The following ANPEP variants were observed in gnomAD, a reference collection of about 807,000 sequenced individuals.
The protein encoded by ANPEP is aminopeptidase N.
ANPEP carries 70 observed loss-of-function variants against 114.6 expected under a neutral mutation model. The ratio of observed to expected loss-of-function variants is 0.61; its 90% CI spans 0.50 to 0.75. The LOEUF (loss-of-function observed/expected upper bound fraction) is 0.75. Ranked by LOEUF, ANPEP falls within the 30% of genes least tolerant of loss-of-function variation. ANPEP has a pLI of 0.00. For missense variants in ANPEP, 1,184 were observed against 1,259.5 expected, an observed-to-expected ratio of 0.94 and a Z score of 0.91; for synonymous variants, 548 against 522.3, an observed-to-expected ratio of 1.05 and a Z score of -0.67.
Position 89,803,109 on chromosome 15 carries a change from C to G in ANPEP, c.1569+130G>C, listed in dbSNP as rs1194748191. Reference sequence around the variant, plus strand: ...CCACTATAGGGAGGAGCAACAGAGGCTCCATCCACCCTGCAGGGCTGGTCA... The same window carrying G: ...CCACTATAGGGAGGAGCAACAGAGGGTCCATCCACCCTGCAGGGCTGGTCA... On this transcript the variant is annotated intron_variant, in intron 10 of 20. Coordinates refer to ENST00000300060, the MANE Select transcript of ANPEP (RefSeq NM_001150.3). This position sits in a 1 kb window ranked among gnomAD's most constrained non-coding sequence, Gnocchi z 4.2. 2 of 1,025,102 alleles carry G rather than the reference C, an allele frequency of 2.0e-6. No individual in the cohort carries two copies. Among genetic ancestry groups the G allele is most frequent in the African/African-American group, 3.1e-5 (2 of 63,636 alleles). The allele number at this position is 1,025,102 out of a possible 1,614,324, so 63.5% of individuals were successfully genotyped here.
At position 89,804,013 on chromosome 15, in the gene ANPEP, A is replaced by C; in HGVS notation, c.1180-11T>G. 6.2e-7 allele frequency: 1 copy of C among 1,612,418 alleles called. No homozygotes were observed. Among genetic ancestry groups the C allele is most frequent in the South Asian group, 1.1e-5 (1 of 91,032 alleles). ...CAGGTTCCCGAACCACTGTGGGGGG[A>C]GGGGTCAGCTGGGCAAGCCACGCCC... On this transcript the variant is annotated splice_polypyrimidine_tract_variant and intron_variant, in intron 6 of 20. Coordinates refer to ENST00000300060, the MANE Select transcript of ANPEP (RefSeq NM_001150.3).
chr15:89,812,748 C>A lies in ANPEP; in HGVS notation c.-224+2024G>T, dbSNP rs557163262. Among the ~76,000 whole-genome samples the A allele has an allele frequency of 9.2e-5, 14 of 152,128 alleles. No individual in the cohort carries two copies. The South Asian group carries it at 2.7e-3, about 29-fold the overall frequency. On this transcript the variant is annotated intron_variant, in intron 1 of 20. Coordinates refer to ENST00000300060, the MANE Select transcript of ANPEP (RefSeq NM_001150.3). Reference sequence around the variant, plus strand: ...CATTTGGCAAATGAGGACACTGAGGCACAGAAAGGTTAAGTGATTTGCCCA... The same window carrying A: ...CATTTGGCAAATGAGGACACTGAGGAACAGAAAGGTTAAGTGATTTGCCCA...
Position 89,803,230 on chromosome 15 carries a change from G to C in ANPEP, c.1569+9C>G. 1.2e-6 allele frequency: 2 copies of C among 1,613,714 alleles called. No individual in the cohort carries two copies. The highest frequency in any genetic ancestry group is 1.7e-6 in the Non-Finnish European group (2 of 1,179,582). The stretch of plus-strand genomic sequence containing the variant: ...CAGGATGGCTGTGGAGGGGCTGGCT[G>C]CTACTGACCTCCTGCAGGTGGTCCC... On this transcript the variant is annotated intron_variant, in intron 10 of 20. Transcript: ENST00000300060. The surrounding 1 kb of genome is among the most constrained non-coding windows in gnomAD (Gnocchi z 4.2).
chr15:89,804,746 C>A, intron 4 of ANPEP, 129 bp from the exon 5 acceptor site: 2 of 1,335,336 alleles, frequency 1.5e-6, no homozygotes, highest in Non-Finnish European at 2.0e-6. Context: ...TCAAGCTAAA[C>A]CTAGAGGCCT....
At chr15:89,802,818 T>C in intron 10 of ANPEP, 1 of 195,492 alleles carries the variant, frequency 5.1e-6, no homozygotes, top group Non-Finnish European at 1.1e-5. Context: ...GAGGGCAGAG[T>C]TCCTGCTGAG....
In ANPEP at chr15:89,804,514, G is replaced by A. The variant is rs917558799; in HGVS notation, c.1001C>T (p.Thr334Ile). The change falls in exon 5 of 21, where the codon ACA becomes ATA. Residue 334 changes from threonine to isoleucine, a missense_variant. Coordinates refer to ENST00000300060, the MANE Select transcript of ANPEP (RefSeq NM_001150.3). ...ACCTGATTTTGGGAGTGGGTAGGGT[G>A]TGTCATAATGACCAGCAAAGAAGTT... is the stretch of plus-strand genomic sequence containing the variant. ...ILNFFAGHYDTPYPLPKSDQI... is the reference protein window; with the variant it reads ...ILNFFAGHYDIPYPLPKSDQI... The A allele has an allele frequency of 1.9e-6, 3 of 1,614,260 alleles. No individual in the cohort carries two copies. The highest frequency in any genetic ancestry group is 1.7e-6 in the Non-Finnish European group (2 of 1,180,050).
At chr15:89,794,781 C>T (rs1396128058) in intron 15 of ANPEP, among the ~76,000 whole-genome samples, 1 of 152,142 alleles carries the variant, frequency 6.6e-6, no homozygotes, top group African/African-American at 2.4e-5. Context: ...ACCCCAGTTC[C>T]CTTCCCTCCT....
In ANPEP at chr15:89,799,206, A is replaced by G. The variant is rs1018227550; in HGVS notation, c.2009+54T>C. The G allele has an allele frequency of 6.2e-7, 1 of 1,605,636 alleles. No homozygotes were observed. The highest frequency in any genetic ancestry group is 1.7e-5 in the Admixed American group (1 of 59,952). The stretch of plus-strand genomic sequence containing the variant: ...GAGCAGGGGCCCTCATTGTGGACTC[A>G]GACTTGCTGAAGTCACGAGCTTCTG... On this transcript the variant is annotated intron_variant, in intron 14 of 20. Transcript: ENST00000300060. The surrounding 1 kb of genome is among the most constrained non-coding windows in gnomAD (Gnocchi z 4.2).
intron 4 of ANPEP, 87 bp downstream of exon 4, chr15:89,804,991 A>AGAAACTGGCACAGG: frequency 6.3e-6 from 10 of 1,576,084 alleles, no homozygotes; most frequent in Non-Finnish European, 8.7e-6. Flanking sequence ...CTAACAATTC[A>AGAAACTGGCACAGG]GAAACTGGCA....
chr15:89,793,425 G>T (rs1267953262), intron 15 of ANPEP, among the ~76,000 whole-genome samples: 1 of 152,162 alleles, frequency 6.6e-6, no homozygotes, highest in Non-Finnish European at 1.5e-5. Flanking sequence ...GAGTTGCTGG[G>T]CGCAGTGGCT....
At chr15:89,812,247 C>T (rs1015867674) in intron 1 of ANPEP, among the ~76,000 whole-genome samples, 2 of 152,262 alleles carry the variant, frequency 1.3e-5, no homozygotes, top group African/African-American at 4.8e-5. Flanking sequence ...CACCCACTCC[C>T]ACTCAGTGTC....
At chr15:89,785,572 C>T (rs2141782279) in intron 20 of ANPEP, 71 bp from the exon 21 acceptor site, 2 of 1,591,014 alleles carry the variant, frequency 1.3e-6, no homozygotes, top group South Asian at 2.3e-5. Context: ...TCTCTCAGGC[C>T]TCTGGCTTTC....
intron 15 of ANPEP, among the ~76,000 whole-genome samples, chr15:89,795,135 T>C (rs927698833): frequency 1.4e-5 from 2 of 147,238 alleles, no homozygotes; most frequent in African/African-American, 2.5e-5. Context: ...CTGTAATAAA[T>C]ATCCTCTGAG....
At chr15:89,802,176 C>A (rs1008350898) in intron 10 of ANPEP, among the ~76,000 whole-genome samples, 1 of 152,118 alleles carries the variant, frequency 6.6e-6, no homozygotes. Flanking sequence ...AAGAACGGGG[C>A]CACACAGAGG....
intron 20 of ANPEP, among the ~76,000 whole-genome samples, chr15:89,787,130 C>CCGCA (rs923284932): frequency 1.3e-5 from 2 of 149,242 alleles, no homozygotes; most frequent in African/African-American, 4.9e-5. Context: ...ACTGCAAACT[C>CCGCA]CGCCTCCCGG....
At chr15:89,800,619 T>A (rs1479333407) in intron 12 of ANPEP, among the ~76,000 whole-genome samples, 1 of 147,140 alleles carries the variant, frequency 6.8e-6, no homozygotes, top group Non-Finnish European at 1.5e-5. Flanking sequence ...TGGAGTGCAA[T>A]GGTGCGATCT....
At chr15:89,814,056 C>A (rs1405885666) in intron 1 of ANPEP, among the ~76,000 whole-genome samples, 2 of 147,982 alleles carry the variant, frequency 1.4e-5, no homozygotes, top group Admixed American at 6.7e-5. Context: ...TTTAGGGGAC[C>A]TTTTCCCAGA....
In ANPEP at chr15:89,801,483, T is replaced by C. The variant is rs1024519740; in HGVS notation, c.1694A>G (p.His565Arg). The C allele has an allele frequency of 6.2e-7, 1 of 1,614,028 alleles. No homozygotes were observed. The highest frequency in any genetic ancestry group is 8.5e-7 in the Non-Finnish European group (1 of 1,180,002). Residue 565 changes from histidine (H) to arginine (R), a missense_variant, in exon 11 of 21, where the codon CAC (histidine) becomes CGC (arginine). His to Arg is a conservative substitution (Grantham distance 29). Coordinates refer to ENST00000300060, the MANE Select transcript of ANPEP (RefSeq NM_001150.3). ...ATTGGAATCGGGGTCAAGGAGGAAG[T>C]GCTCCTGGGAAAGGGTCCCCGTGCT... ...DTSTGTLSQE[H>R]FLLDPDSNVT...
chr15:89,793,569 G>A (rs1288196101), intron 15 of ANPEP, among the ~76,000 whole-genome samples: 3 of 151,960 alleles, frequency 2.0e-5, no homozygotes, highest in Non-Finnish European at 4.4e-5. Context: ...CGAGTGTGGT[G>A]GTGCACACCT....
Sources: allele counts gnomAD v4.1 joint callset (sites outside exome capture counted in the v4.1 genomes callset), GRCh38; gene constraint gnomAD v4.1.1; non-coding constraint Gnocchi (gnomAD v3.1); transcripts MANE v1.5; gene names NCBI Gene and HGNC (gene_info 2026-07-23, HGNC 2026-07-21).